Variants in LSP1 observed in about 807,000 individuals in gnomAD.
The protein encoded by LSP1 is lymphocyte-specific protein 1.
A neutral mutation model predicts 49.3 loss-of-function variants in LSP1; 32 were observed. The ratio of observed to expected loss-of-function variants is 0.65; its 90% CI spans 0.49 to 0.87. The LOEUF (loss-of-function observed/expected upper bound fraction) is 0.87. LSP1 is among the 40% of genes least tolerant of loss of function. The probability of loss-of-function intolerance (pLI) is 0.00; values close to 1 mark genes in which losing one functional copy is unlikely to be tolerated. For synonymous variants in LSP1, 179 were observed against 178.8 expected (o/e 1.00, Z -0.01); for missense variants, 428 against 442.6 (o/e 0.97, Z 0.30).
rs1326855761 is a variant in LSP1 at position 1,864,277 on chromosome 11, C to G, written c.53+11080C>G. ...TTGACGAGGGGCTGGACAAGAACGG[C>G]CGACGAAGGAGAAGAACAGAGGAGG... On this transcript the variant is annotated intron_variant, in intron 1 of 10. Coordinates refer to ENST00000311604, the MANE Select transcript of LSP1 (RefSeq NM_002339.3). The G allele has an allele frequency of 1.5e-5, 15 of 985,092 alleles. No homozygotes were observed. In the East Asian group the frequency reaches 1.7e-3, roughly 112 times the overall value. 61.0% of individuals were successfully genotyped at this position (985,092 alleles called of 1,614,324 possible).
rs113624834 is a variant in LSP1, at chr11:1,873,810, C to G, written c.54-6277C>G. ...GGGTGGCAACCAGAAGAGCAGGGAGCCCAGCAGAGGAGGGAGGCCGGCAGA... is the reference window on the plus strand; with the variant it reads ...GGGTGGCAACCAGAAGAGCAGGGAGGCCAGCAGAGGAGGGAGGCCGGCAGA... On this transcript the variant is annotated intron_variant, in intron 1 of 10. Coordinates refer to ENST00000311604, the MANE Select transcript of LSP1 (RefSeq NM_002339.3). Among the ~76,000 whole-genome samples the G allele has an allele frequency of 3.1e-3, 422 of 135,480 alleles. 12 individuals are homozygous for G. Among genetic ancestry groups the G allele is most frequent in the African/African-American group, 0.011 (375 of 35,110 alleles). 88.9% of individuals were successfully genotyped at this position (135,480 alleles called of 152,430 possible). A position where few individuals can be genotyped will look rare whatever the true frequency, so the allele number is the denominator to read the frequency against.
At chr11:1,890,357 C>T (rs1848946557) in intron 10 of LSP1, 1 of 716,106 alleles carries the variant, frequency 1.4e-6, no homozygotes, top group Non-Finnish European at 2.6e-6. Context: ...CTGTGACCTC[C>T]TGGTCATGGC....
chr11:1,887,715 C>T, intron 10 of LSP1, 139 bp downstream of exon 10: 1 of 619,788 alleles, frequency 1.6e-6, no homozygotes, highest in Middle Eastern at 4.1e-4. Flanking sequence ...CCCAGACCAG[C>T]TCAGTCTCCC....
intron 1 of LSP1, among the ~76,000 whole-genome samples, chr11:1,862,447 T>C (rs961855228): frequency 1.3e-5 from 2 of 152,222 alleles, no homozygotes; most frequent in African/African-American, 2.4e-5. Flanking sequence ...TTCCTTCTTT[T>C]GAACTAAAAT....
In LSP1 at chr11:1,870,764, A is replaced by G. The variant is rs1001305397; in HGVS notation, c.54-9323A>G. Reference sequence around the variant, plus strand: ...CAGAGACTTCAGGGATGTGAGGTACATCTGGGCATGGCTAGCTGGGAAGGA... The same window carrying G: ...CAGAGACTTCAGGGATGTGAGGTACGTCTGGGCATGGCTAGCTGGGAAGGA... On this transcript the variant is annotated intron_variant, in intron 1 of 10. Coordinates refer to ENST00000311604, the MANE Select transcript of LSP1 (RefSeq NM_002339.3). 1.5e-5 allele frequency: 15 copies of G among 991,838 alleles called. No homozygotes were observed. In the African/African-American group the frequency reaches 2.4e-4, roughly 16 times the overall value. 61.4% of individuals were successfully genotyped at this position (991,838 alleles called of 1,614,324 possible).
chr11:1,888,471 T>C (rs1177355214), intron 10 of LSP1: 1 of 151,918 alleles, frequency 6.6e-6, no homozygotes, highest in East Asian at 1.9e-4. Flanking sequence ...CCTCAGGCTG[T>C]CAGCCCAGGT....
chr11:1,860,534 G>C (rs1207098086), intron 1 of LSP1, among the ~76,000 whole-genome samples: 1 of 152,206 alleles, frequency 6.6e-6, no homozygotes, highest in African/African-American at 2.4e-5. Flanking sequence ...AAGAACATCT[G>C]TATGTATATA....
chr11:1,870,263 G>T (rs1847942728), intron 1 of LSP1: 1 of 1,303,366 alleles, frequency 7.7e-7, no homozygotes, highest in African/African-American at 1.5e-5. Flanking sequence ...TTTGCAAACA[G>T]GAAAGCTGAG....
At chr11:1,889,097 CT>C (rs1443471649) in intron 10 of LSP1, 1 of 595,008 alleles carries the variant, frequency 1.7e-6, no homozygotes, top group East Asian at 3.0e-5. Flanking sequence ...TCAGCCCCTT[CT>C]TCTGTCCATC....
chr11:1,883,830 C>G, intron 4 of LSP1, 102 bp from the exon 5 acceptor site: 1 of 1,171,526 alleles, frequency 8.5e-7, no homozygotes, highest in Non-Finnish European at 1.2e-6. Flanking sequence ...CACAGAGAAC[C>G]TGGGGCTCAG....
chr11:1,888,019 C>T (rs1459902094), intron 10 of LSP1, among the ~76,000 whole-genome samples: 3 of 152,162 alleles, frequency 2.0e-5, no homozygotes, highest in African/African-American at 4.8e-5. Flanking sequence ...CAGCCGAGAG[C>T]GATTCAGAGG....
chr11:1,864,782 C>A (rs749890508), intron 1 of LSP1, among the ~76,000 whole-genome samples: 1 of 151,490 alleles, frequency 6.6e-6, no homozygotes, highest in African/African-American at 2.4e-5. Context: ...GGCCTGCAGA[C>A]CCTCGTGCCA....
At chr11:1,878,674 A>T (rs866919810) in intron 1 of LSP1, among the ~76,000 whole-genome samples, 43 of 152,152 alleles carry the variant, frequency 2.8e-4, no homozygotes, top group African/African-American at 6.5e-4. Flanking sequence ...CCCAGTGGGG[A>T]TCAGGCTGCA....
chr11:1,883,340 CTG>C (rs1488970990), intron 3 of LSP1, 77 bp from the exon 4 acceptor site: 1 of 1,544,778 alleles, frequency 6.5e-7, no homozygotes, highest in East Asian at 2.3e-5. Flanking sequence ...GATGGGGAAA[CTG>C]AGGCTTGGAA....
In LSP1 at chr11:1,865,360, G is replaced by A. The variant is rs953082862; in HGVS notation, c.53+12163G>A. On this transcript the variant is annotated intron_variant, in intron 1 of 10. Coordinates refer to ENST00000311604, the MANE Select transcript of LSP1 (RefSeq NM_002339.3). ...GGCCACTGGGCCTCCCCCCAGCTTC[G>A]GTAGGCTCTGCTGCCCCAAGCGTGG... 17 of 458,490 alleles carry A rather than the reference G, an allele frequency of 3.7e-5. No homozygotes were observed. The East Asian group carries it at 9.3e-4, about 25-fold the overall frequency. 28.4% of individuals were successfully genotyped at this position (458,490 alleles called of 1,614,324 possible). A position where few individuals can be genotyped will look rare whatever the true frequency, so the allele number is the denominator to read the frequency against.
chr11:1,870,371 G>A, intron 1 of LSP1: 3 of 1,258,892 alleles, frequency 2.4e-6, no homozygotes, highest in Non-Finnish European at 3.1e-6. Flanking sequence ...TGGGAAAGAA[G>A]TGCCGGCCCA....
At chr11:1,871,182 T>C in intron 1 of LSP1, 1 of 985,488 alleles carries the variant, frequency 1.0e-6, no homozygotes, top group Non-Finnish European at 1.2e-6. Flanking sequence ...CAGAAAGCCA[T>C]ATGCACAGCA....
intron 1 of LSP1, among the ~76,000 whole-genome samples, chr11:1,860,594 A>T (rs1186145288): frequency 6.6e-6 from 1 of 152,224 alleles, no homozygotes; most frequent in African/African-American, 2.4e-5. Context: ...ATAAATGCAG[A>T]TGTGATATTT....
chr11:1,882,512 C>T (rs562158258), intron 3 of LSP1, among the ~76,000 whole-genome samples: 1 of 152,282 alleles, frequency 6.6e-6, no homozygotes, highest in Admixed American at 6.5e-5. Flanking sequence ...CCCTGGGCCT[C>T]AGTCTCCCCC....
Sources: gnomAD v4.1 joint callset for allele counts (sites outside exome capture counted in the v4.1 genomes callset) on GRCh38, gnomAD v4.1.1 for gene constraint, MANE v1.5 for transcripts, NCBI Gene and HGNC (gene_info 2026-07-23, HGNC 2026-07-21) for gene names.